Variants in DNAH14 observed in about 807,000 individuals in gnomAD.
DNAH14 encodes axonemal beta dynein heavy chain 14.
In DNAH14, 478 loss-of-function variants were observed where a neutral mutation model predicts 520.9. The ratio of observed to expected loss-of-function variants is 0.92; its 90% CI spans 0.85 to 0.99. DNAH14 has a LOEUF of 0.99. DNAH14 is among the 50% of genes least tolerant of loss of function. The pLI is 0.00. For missense variants in DNAH14, 4,831 were observed against 5,234.5 expected (o/e 0.92, Z 2.38); for synonymous variants, 1,581 against 1,757.2 (o/e 0.90, Z 2.51).
rs140787469 is a variant in DNAH14, at chr1:225,112,552, C to T, written c.3868-5132C>T. On this transcript the variant is annotated intron_variant, in intron 23 of 85. Transcript: ENST00000682510. Reference sequence around the variant, plus strand: ...TTTCTGTTATTATTCATTTCAACCCCTGTCTTCATCTTTACCTTCTCTTTA... The same window carrying T: ...TTTCTGTTATTATTCATTTCAACCCTTGTCTTCATCTTTACCTTCTCTTTA... Among the ~76,000 whole-genome samples, 996 of 152,226 alleles carry T rather than the reference C, an allele frequency of 6.5e-3. 3 individuals carry two copies. The highest frequency in any genetic ancestry group is 0.01 in the Middle Eastern group (3 of 294).
At chr1:225,372,899 T>C (rs1274690185) in intron 77 of DNAH14, among the ~76,000 whole-genome samples, 1 of 145,276 alleles carries the variant, frequency 6.9e-6, no homozygotes, top group African/African-American at 2.4e-5. Context: ...AGGATTGTAC[T>C]TAAATGACCA....
At chr1:224,933,976 C>T (rs1342017973) in intron 1 of DNAH14, among the ~76,000 whole-genome samples, 5 of 151,866 alleles carry the variant, frequency 3.3e-5, no homozygotes, top group Admixed American at 6.6e-5. Flanking sequence ...AATACACACA[C>T]GCAGACTCAA....
At chr1:224,952,821 A>T in intron 2 of DNAH14, 42 bp downstream of exon 2, 1 of 1,449,900 alleles carries the variant, frequency 6.9e-7, no homozygotes, top group Non-Finnish European at 9.3e-7. Flanking sequence ...TTCTAAAGTA[A>T]GATTTCAGCA....
intron 75 of DNAH14, among the ~76,000 whole-genome samples, chr1:225,364,575 T>A (rs1296240491): frequency 1.3e-5 from 2 of 148,196 alleles, no homozygotes; most frequent in Admixed American, 1.4e-4. Context: ...ATATGATCAC[T>A]TTTTGTACTT....
intron 37 of DNAH14, among the ~76,000 whole-genome samples, chr1:225,191,494 T>C (rs2085433273): frequency 6.6e-6 from 1 of 152,054 alleles, no homozygotes; most frequent in Non-Finnish European, 1.5e-5. Context: ...TTCAAGATTT[T>C]GCCTTTGGAC....
intron 49 of DNAH14, among the ~76,000 whole-genome samples, chr1:225,268,508 G>A (rs748960783): frequency 1.1e-4 from 16 of 152,152 alleles, no homozygotes; most frequent in South Asian, 2.1e-4. Flanking sequence ...TAAATAAAGC[G>A]TATTAAATTA....
At chr1:225,356,634 G>A (rs1486832297) in intron 73 of DNAH14, among the ~76,000 whole-genome samples, 1 of 152,144 alleles carries the variant, frequency 6.6e-6, no homozygotes, top group Non-Finnish European at 1.5e-5. Flanking sequence ...GTGGAGAAAG[G>A]GAGGGACGTG....
chr1:225,197,783 TA>T (rs2086345959), intron 38 of DNAH14, among the ~76,000 whole-genome samples: 1 of 152,212 alleles, frequency 6.6e-6, no homozygotes, highest in Non-Finnish European at 1.5e-5. Flanking sequence ...CTAAGTATTT[TA>T]TTTTTTTGCA....
chr1:225,101,840 A>C (rs1040872941), intron 23 of DNAH14, among the ~76,000 whole-genome samples: 6 of 152,076 alleles, frequency 3.9e-5, no homozygotes, highest in African/African-American at 1.4e-4. Flanking sequence ...ATATGTCTTC[A>C]GTATACTGAT....
rs148189863 is a variant in DNAH14, at chr1:225,216,567, C to T, written c.6439+9347C>T. Among the ~76,000 whole-genome samples, 783 of 152,288 alleles carry T rather than the reference C, an allele frequency of 5.1e-3. 8 individuals are homozygous for T. The highest frequency in any genetic ancestry group is 0.015 in the African/African-American group (604 of 41,534). Reference sequence around the variant, plus strand: ...TAGATTTGGTCTTTTCACATAATCCCATATTTCGTGGAGGTTTTGTTCATT... The same window carrying T: ...TAGATTTGGTCTTTTCACATAATCCTATATTTCGTGGAGGTTTTGTTCATT... On this transcript the variant is annotated intron_variant, in intron 41 of 85. Transcript: ENST00000682510.
chr1:225,223,023 C>CCTT (rs1176535692), intron 41 of DNAH14, among the ~76,000 whole-genome samples: 1 of 152,146 alleles, frequency 6.6e-6, no homozygotes, highest in African/African-American at 2.4e-5. Flanking sequence ...TCATCACCTA[C>CCTT]CTTACCACCT....
intron 23 of DNAH14, among the ~76,000 whole-genome samples, chr1:225,114,716 C>G (rs1000327343): frequency 6.6e-6 from 1 of 152,174 alleles, no homozygotes; most frequent in East Asian, 1.9e-4. Context: ...TAAATGTTCC[C>G]TCTGTGGGCT....
In DNAH14 at chr1:225,360,872, C is replaced by T. The variant is rs1255256427; in HGVS notation, c.11968C>T (p.Leu3990Phe). Reference protein sequence around the residue: ...CHLATSFMPRLCTIVESFNSP... With the variant: ...CHLATSFMPRFCTIVESFNSP... The stretch of plus-strand genomic sequence containing the variant: ...TCTTGCAACATCATTTATGCCAAGG[C>T]TTTGCACAATTGTAGAATCGTAAGA... The change falls in exon 75 of 86, where the codon CTT (leucine) becomes TTT (phenylalanine). Residue 3990 changes from leucine (L) to phenylalanine (F), a missense_variant. Physicochemically the swap from Leu to Phe is conservative, Grantham distance 22. Coordinates refer to ENST00000682510, the MANE Select transcript of DNAH14 (RefSeq NM_001367479.1). 3 of 1,551,542 alleles carry T rather than the reference C, an allele frequency of 1.9e-6. No individual in the cohort carries two copies. In the Admixed American group the frequency reaches 5.9e-5, roughly 30 times the overall value.
chr1:225,346,041 C>T lies in DNAH14; in HGVS notation c.10758C>T (p.Ile3586=), dbSNP rs374323375. ...CATCAAACGAAATTTCAAAGCGCAT[C>T]GAAGCAACAAAAAAAGCTGAAAGTG... ...KMTSNEISKR[I]EATKKAESEI... is the part of the protein sequence containing the mutation. The change falls in exon 70 of 86, where the codon ATC becomes ATT. Residue 3586 remains isoleucine, a synonymous_variant. Coordinates refer to ENST00000682510, the MANE Select transcript of DNAH14 (RefSeq NM_001367479.1). 184 of 1,551,410 alleles carry T rather than the reference C, an allele frequency of 1.2e-4. 1 individual carries two copies. Among genetic ancestry groups the T allele is most frequent in the Non-Finnish European group, 1.1e-4 (126 of 1,146,976 alleles).
chr1:225,102,741 G>GT (rs1227274054), intron 23 of DNAH14, among the ~76,000 whole-genome samples: 13 of 152,066 alleles, frequency 8.5e-5, no homozygotes, highest in Non-Finnish European at 1.3e-4. Flanking sequence ...GGGGTTGTTT[G>GT]TTTTTTTCTT....
intron 9 of DNAH14, among the ~76,000 whole-genome samples, 200 bp from the exon 10 acceptor site, chr1:225,007,213 G>A (rs1268988302): frequency 6.6e-6 from 1 of 152,110 alleles, no homozygotes; most frequent in African/African-American, 2.4e-5. Flanking sequence ...AAACACCAAT[G>A]TATTTTTCTG....
chr1:225,081,880 A>G (rs993149749), intron 19 of DNAH14, among the ~76,000 whole-genome samples: 1 of 152,162 alleles, frequency 6.6e-6, no homozygotes, highest in Non-Finnish European at 1.5e-5. Flanking sequence ...GCTGTCACCT[A>G]CATTTCCTAC....
At chr1:225,318,732 C>T in intron 61 of DNAH14, 55 bp downstream of exon 61, 1 of 1,451,036 alleles carries the variant, frequency 6.9e-7, no homozygotes, top group Non-Finnish European at 9.4e-7. Context: ...AACATAAATT[C>T]ATGTTTACTA....
At chr1:225,072,177 C>CA (rs1195033578) in intron 17 of DNAH14, among the ~76,000 whole-genome samples, 3 of 152,150 alleles carry the variant, frequency 2.0e-5, no homozygotes, top group Non-Finnish European at 2.9e-5. Context: ...TCAGGTACAC[C>CA]AATCAGTCAT....
Sources: gnomAD v4.1 joint callset for allele counts (sites outside exome capture counted in the v4.1 genomes callset) on GRCh38, gnomAD v4.1.1 for gene constraint, MANE v1.5 for transcripts, NCBI Gene and HGNC (gene_info 2026-07-23, HGNC 2026-07-21) for gene names.